The following BICC1 variants were observed in gnomAD, a reference collection of about 807,000 sequenced individuals.
BICC1 encodes the protein BicC family RNA binding protein 1.
A neutral mutation model predicts 111.0 loss-of-function variants in BICC1; 43 were observed. The ratio of observed to expected loss-of-function variants is 0.39; its 90% confidence interval spans 0.30 to 0.50. The LOEUF (loss-of-function observed/expected upper bound fraction) is 0.50, where lower values mean the gene tolerates loss of function less well. BICC1 is among the 20% of genes least tolerant of loss of function. The probability of loss-of-function intolerance (pLI) is 0.88; values close to 1 mark genes in which losing one functional copy is unlikely to be tolerated. For synonymous variants in BICC1, 467 were observed against 434.4 expected, an observed-to-expected ratio of 1.07 and a Z score of -0.93; for missense variants, 1,091 against 1,203.2, an observed-to-expected ratio of 0.91 and a Z score of 1.38.
At chr10:58,593,472 G>C (rs1030185802) in intron 1 of BICC1, among the ~76,000 whole-genome samples, 2 of 152,176 alleles carry the variant, frequency 1.3e-5, no homozygotes, top group Admixed American at 1.3e-4. Context: ...GGGGCCGACA[G>C]ACACCTTATA....
chr10:58,813,819 T>C lies in BICC1; in HGVS notation c.2377-11T>C, dbSNP rs1843991682. The stretch of plus-strand genomic sequence containing the variant: ...TTAAATATTTCCTTATCTGGCTTTG[T>C]CTGTTTACAGGGCTCATCCATGTCC... On this transcript the variant is annotated splice_polypyrimidine_tract_variant and intron_variant, in intron 17 of 20. Transcript: ENST00000373886. The C allele has an allele frequency of 6.2e-7, 1 of 1,611,566 alleles. No homozygotes were observed. The highest frequency in any genetic ancestry group is 8.5e-7 in the Non-Finnish European group (1 of 1,178,448).
chr10:58,800,588 G>C (rs1490127739), intron 13 of BICC1, among the ~76,000 whole-genome samples: 1 of 152,180 alleles, frequency 6.6e-6, no homozygotes, highest in Non-Finnish European at 1.5e-5. Flanking sequence ...TTGTGCAGCA[G>C]AAAAGCATCA....
At chr10:58,711,401 T>C (rs992641588) in intron 3 of BICC1, among the ~76,000 whole-genome samples, 2 of 152,230 alleles carry the variant, frequency 1.3e-5, no homozygotes, top group Admixed American at 6.5e-5. Context: ...TACTTTTAGA[T>C]ATTCAGTTTT....
At chr10:58,716,882 C>T (rs1840761920) in intron 3 of BICC1, among the ~76,000 whole-genome samples, 1 of 151,314 alleles carries the variant, frequency 6.6e-6, no homozygotes, top group African/African-American at 2.5e-5. Context: ...ACGGGGAGGT[C>T]AGAGCTGGCT....
chr10:58,720,045 C>A (rs1207009284), intron 3 of BICC1, among the ~76,000 whole-genome samples: 2 of 152,104 alleles, frequency 1.3e-5, no homozygotes, highest in Non-Finnish European at 2.9e-5. Flanking sequence ...GCTTCTTTAC[C>A]GATGATGACT....
chr10:58,626,250 A>C (rs919109045), intron 2 of BICC1, among the ~76,000 whole-genome samples: 2 of 152,192 alleles, frequency 1.3e-5, no homozygotes, highest in Non-Finnish European at 2.9e-5. Context: ...TACTAATGAA[A>C]ACTTAGGGCC....
At chr10:58,611,704 G>A (rs1845427393) in intron 1 of BICC1, among the ~76,000 whole-genome samples, 1 of 151,718 alleles carries the variant, frequency 6.6e-6, no homozygotes, top group Non-Finnish European at 1.5e-5. Flanking sequence ...TGCGTAGGCT[G>A]GTCTCAAACT....
intron 9 of BICC1, among the ~76,000 whole-genome samples, chr10:58,795,507 G>C (rs1843324591): frequency 6.6e-6 from 1 of 152,148 alleles, no homozygotes; most frequent in Non-Finnish European, 1.5e-5. Flanking sequence ...AAGAATTCCA[G>C]GAGTTCAGTA....
chr10:58,764,008 C>T (rs1438801487), intron 3 of BICC1, among the ~76,000 whole-genome samples: 1 of 152,090 alleles, frequency 6.6e-6, no homozygotes, highest in Non-Finnish European at 1.5e-5. Context: ...AATTGCTATA[C>T]ATTTAGTGGT....
chr10:58,823,129 T>C (rs1181495664), intron 20 of BICC1: 1 of 533,048 alleles, frequency 1.9e-6, no homozygotes, highest in Non-Finnish European at 2.4e-6. Flanking sequence ...ATTGGTCAAA[T>C]GTACAGGGAC....
intron 1 of BICC1, among the ~76,000 whole-genome samples, chr10:58,519,168 G>A (rs1385951773): frequency 6.6e-6 from 1 of 152,136 alleles, no homozygotes; most frequent in East Asian, 1.9e-4. Flanking sequence ...TCAGCCTGTG[G>A]CTTTTTGCCT....
intron 3 of BICC1, among the ~76,000 whole-genome samples, chr10:58,754,314 T>C (rs1262445784): frequency 6.6e-6 from 1 of 152,244 alleles, no homozygotes; most frequent in Non-Finnish European, 1.5e-5. Flanking sequence ...ACTTATTTTC[T>C]TTTATTGCAA....
At chr10:58,722,715 C>T (rs1249657319) in intron 3 of BICC1, among the ~76,000 whole-genome samples, 1 of 152,074 alleles carries the variant, frequency 6.6e-6, no homozygotes, top group Non-Finnish European at 1.5e-5. Context: ...TTAAGGATAC[C>T]TACCTATGAA....
At chr10:58,806,818 G>A (rs560673247) in intron 16 of BICC1, among the ~76,000 whole-genome samples, 186 bp from the exon 17 acceptor site, 11 of 152,104 alleles carry the variant, frequency 7.2e-5, no homozygotes, top group East Asian at 5.8e-4. Flanking sequence ...AAATCATTTA[G>A]CATTTTTTCA....
intron 3 of BICC1, among the ~76,000 whole-genome samples, chr10:58,730,636 A>G (rs1157877259): frequency 6.6e-6 from 1 of 151,758 alleles, no homozygotes; most frequent in Non-Finnish European, 1.5e-5. Flanking sequence ...GCTTTTTCAT[A>G]TATCCTCTAA....
At chr10:58,641,508 A>G (rs1190457484) in intron 2 of BICC1, among the ~76,000 whole-genome samples, 1 of 151,786 alleles carries the variant, frequency 6.6e-6, no homozygotes, top group Non-Finnish European at 1.5e-5. Flanking sequence ...CACTATTACC[A>G]AATACATTTC....
intron 1 of BICC1, among the ~76,000 whole-genome samples, chr10:58,523,771 T>C (rs192351267): frequency 0.025 from 3,864 of 152,200 alleles, 173 homozygotes; most frequent in African/African-American, 0.089. Context: ...ATTGACCCTG[T>C]TTGCAGATGA....
At chr10:58,532,420 A>G (rs887597229) in intron 1 of BICC1, among the ~76,000 whole-genome samples, 4 of 151,858 alleles carry the variant, frequency 2.6e-5, no homozygotes, top group Non-Finnish European at 4.4e-5. Flanking sequence ...GTATTCTGCT[A>G]TTACTGAGGC....
chr10:58,681,865 T>C (rs967885112), intron 2 of BICC1, among the ~76,000 whole-genome samples: 1 of 138,728 alleles, frequency 7.2e-6, no homozygotes, highest in Non-Finnish European at 1.5e-5. Context: ...AGCTCTCTCT[T>C]TCTTTTTTTT....
Sources: gnomAD v4.1 joint callset for allele counts (sites outside exome capture counted in the v4.1 genomes callset) on GRCh38, gnomAD v4.1.1 for gene constraint, MANE v1.5 for transcripts, NCBI Gene and HGNC (gene_info 2026-07-23, HGNC 2026-07-21) for gene names.